Variants in CDH6 observed in about 807,000 individuals in gnomAD.
The protein encoded by CDH6 is cadherin 6.
A neutral mutation model predicts 78.0 loss-of-function variants in CDH6; 31 were observed. The observed-to-expected ratio is 0.40, with a 90% CI of 0.30 to 0.54. The LOEUF (loss-of-function observed/expected upper bound fraction) is 0.54. Ranked by LOEUF, CDH6 falls within the 20% of genes least tolerant of loss-of-function variation. CDH6 has a pLI of 0.56. For synonymous variants in CDH6, 376 were observed against 368.8 expected, an observed-to-expected ratio of 1.02 and a Z score of -0.23; for missense variants, 724 against 975.9, an observed-to-expected ratio of 0.74 and a Z score of 3.44.
intron 1 of CDH6, among the ~76,000 whole-genome samples, chr5:31,200,122 T>C (rs1740309690): frequency 6.6e-6 from 1 of 152,192 alleles, no homozygotes; most frequent in Admixed American, 6.5e-5. Flanking sequence ...TTTTAAGTTA[T>C]TCATTTTTGA....
chr5:31,268,942 G>A (rs1057198692), intron 2 of CDH6, among the ~76,000 whole-genome samples: 2 of 152,148 alleles, frequency 1.3e-5, no homozygotes, highest in African/African-American at 2.4e-5. Flanking sequence ...AGGGGTGAAC[G>A]TCAACACAGA....
rs147544698 is a variant in CDH6 at position 31,225,009 on chromosome 5, A to C, written c.-129+31123A>C. ...TTGGCAATACCTGGAGGCATCTCTG[A>C]CTGTTACAACTGGGAGGTGCTACTG... On this transcript the variant is annotated intron_variant, in intron 1 of 11. Transcript: ENST00000265071. Among the ~76,000 whole-genome samples, 404 of 152,330 alleles carry C rather than the reference A, an allele frequency of 2.7e-3. 5 individuals carry two copies. The highest frequency in any genetic ancestry group is 9.5e-3 in the African/African-American group (396 of 41,580).
intron 1 of CDH6, among the ~76,000 whole-genome samples, chr5:31,200,567 T>TACAC (rs10533381): frequency 0.23 from 33,406 of 144,290 alleles, 4,070 homozygotes; most frequent in Middle Eastern, 0.34. Context: ...CACACATACA[T>TACAC]ACACACACAC....
At chr5:31,204,702 T>C (rs992062085) in intron 1 of CDH6, among the ~76,000 whole-genome samples, 3 of 152,140 alleles carry the variant, frequency 2.0e-5, no homozygotes, top group Non-Finnish European at 4.4e-5. Flanking sequence ...TCACGGCTGG[T>C]TAGAGAAACC....
At chr5:31,275,046 G>A (rs1041204474) in intron 2 of CDH6, among the ~76,000 whole-genome samples, 1 of 152,156 alleles carries the variant, frequency 6.6e-6, no homozygotes, top group East Asian at 1.9e-4. Flanking sequence ...TAACTTGTTC[G>A]TAGTATTAGT....
intron 2 of CDH6, among the ~76,000 whole-genome samples, chr5:31,291,148 T>C (rs1325896364): frequency 6.6e-6 from 1 of 152,174 alleles, no homozygotes; most frequent in Non-Finnish European, 1.5e-5. Context: ...TCCAGTGGAA[T>C]GCAGAGTATA....
At chr5:31,303,750 A>G (rs1737896975) in intron 6 of CDH6, among the ~76,000 whole-genome samples, 1 of 152,160 alleles carries the variant, frequency 6.6e-6, no homozygotes, top group Non-Finnish European at 1.5e-5. Context: ...TGTAAATAAC[A>G]AGAGATTTTT....
At chr5:31,288,657 A>G (rs970561979) in intron 2 of CDH6, among the ~76,000 whole-genome samples, 3 of 152,196 alleles carry the variant, frequency 2.0e-5, no homozygotes, top group Admixed American at 2.0e-4. Context: ...CATTCCACCT[A>G]TTTAACACAA....
At chr5:31,310,432 C>T (rs1461386485) in intron 7 of CDH6, among the ~76,000 whole-genome samples, 1 of 152,186 alleles carries the variant, frequency 6.6e-6, no homozygotes, top group Non-Finnish European at 1.5e-5. Context: ...TGCAGCTTTC[C>T]CAGGCTCATG....
At chr5:31,235,236 C>CTTTTTTTTTTTTTTTTTTTTTTTTTTTT (rs543675071) in intron 1 of CDH6, among the ~76,000 whole-genome samples, 1 of 110,646 alleles carries the variant, frequency 9.0e-6, no homozygotes. Context: ...ATTCCTTTTT[C>CTTTTTTTTTTTTTTTTTTTTTTTTTTTT]TTTTTTTTTT....
intron 11 of CDH6, among the ~76,000 whole-genome samples, chr5:31,321,842 C>T (rs555975656): frequency 6.6e-6 from 1 of 152,122 alleles, no homozygotes; most frequent in African/African-American, 2.4e-5. Flanking sequence ...TAACAATTCA[C>T]TTTTTGGCCT....
intron 2 of CDH6, among the ~76,000 whole-genome samples, chr5:31,285,699 G>A (rs780963452): frequency 6.6e-6 from 1 of 152,076 alleles, no homozygotes; most frequent in Admixed American, 6.5e-5. Context: ...AATATAGTTC[G>A]GTAAAATCTT....
intron 11 of CDH6, 138 bp from the exon 12 acceptor site, chr5:31,322,680 C>A: frequency 2.1e-6 from 2 of 974,414 alleles, no homozygotes; most frequent in Non-Finnish European, 3.0e-6. Flanking sequence ...CAAGTGCATC[C>A]TTAAAGAAAT....
intron 2 of CDH6, among the ~76,000 whole-genome samples, chr5:31,287,104 C>T (rs1200561636): frequency 6.6e-6 from 1 of 152,060 alleles, no homozygotes; most frequent in Non-Finnish European, 1.5e-5. Context: ...AAATGTTCTT[C>T]CCTGGGGTAA....
At chr5:31,199,685 G>GTATGTATATATA (rs1554035033) in intron 1 of CDH6, among the ~76,000 whole-genome samples, 2 of 79,852 alleles carry the variant, frequency 2.5e-5, no homozygotes, top group East Asian at 9.5e-4. Context: ...GTGTGTGTGT[G>GTATGTATATATA]TATATATATA....
chr5:31,217,920 T>G (rs1740911689), intron 1 of CDH6, among the ~76,000 whole-genome samples: 1 of 152,206 alleles, frequency 6.6e-6, no homozygotes, highest in Admixed American at 6.5e-5. Context: ...TTAAAAACTG[T>G]AAAAGATACA....
intron 2 of CDH6, among the ~76,000 whole-genome samples, chr5:31,286,277 A>C (rs1743010099): frequency 6.6e-6 from 1 of 152,200 alleles, no homozygotes; most frequent in Non-Finnish European, 1.5e-5. Context: ...GAAACACATC[A>C]TCAGCAACAA....
At chr5:31,252,126 G>T (rs1350549136) in intron 1 of CDH6, among the ~76,000 whole-genome samples, 3 of 152,074 alleles carry the variant, frequency 2.0e-5, no homozygotes, top group Non-Finnish European at 2.9e-5. Flanking sequence ...ATTATCTGAG[G>T]GTGGCTGTGA....
rs1224209544 is a variant in CDH6 at position 31,328,414 on chromosome 5, T to A, written c.*5106T>A. The stretch of plus-strand genomic sequence containing the variant: ...GTTTAGTGTTTATTAAAGAATCAAA[T>A]GTATAGAATTACCAGGCATTCGTGG... On this transcript the variant is annotated 3_prime_UTR_variant, in exon 12 of 12. Coordinates refer to ENST00000265071, the MANE Select transcript of CDH6 (RefSeq NM_004932.4). The A allele has an allele frequency of 4.9e-6, 1 of 203,594 alleles. No individual in the cohort carries two copies. Among genetic ancestry groups the A allele is most frequent in the Non-Finnish European group, 1.0e-5 (1 of 99,136 alleles). The allele number at this position is 203,594 out of a possible 1,614,324, so 12.6% of individuals were successfully genotyped here.
Sources: allele counts gnomAD v4.1 joint callset (sites outside exome capture counted in the v4.1 genomes callset), GRCh38; gene constraint gnomAD v4.1.1; transcripts MANE v1.5; gene names NCBI Gene and HGNC (gene_info 2026-07-23, HGNC 2026-07-21).